TBC1D9: variants seen among roughly 807,000 people sequenced by gnomAD.
TBC1D9 encodes TBC1 domain family member 9A.
TBC1D9 carries 63 observed loss-of-function variants against 132.0 expected under a neutral mutation model. The ratio of observed to expected loss-of-function variants is 0.48; its 90% CI spans 0.39 to 0.59. TBC1D9 has a LOEUF of 0.59. TBC1D9 is among the 20% of genes least tolerant of loss of function. TBC1D9 has a pLI of 0.00. For missense variants in TBC1D9, 1,261 were observed against 1,592.7 expected, an observed-to-expected ratio of 0.79 and a Z score of 3.54; for synonymous variants, 610 against 609.9, an observed-to-expected ratio of 1.00 and a Z score of 0.00.
chr4:140,659,092 A>G (rs944188571), intron 11 of TBC1D9, among the ~76,000 whole-genome samples: 4 of 152,238 alleles, frequency 2.6e-5, no homozygotes, highest in Non-Finnish European at 5.9e-5. Flanking sequence ...AATTACAAGG[A>G]GTAACAGCAA....
At position 140,679,700 on chromosome 4, in the gene TBC1D9, A is replaced by G. The variant is rs1430617757; in HGVS notation, c.504T>C (p.Tyr168=). The change falls in exon 4 of 21, where the codon TAT becomes TAC. Residue 168 remains tyrosine (Y), a synonymous_variant. Coordinates refer to ENST00000442267, the MANE Select transcript of TBC1D9 (RefSeq NM_015130.3). The stretch of plus-strand genomic sequence containing the variant: ...CCTGACGGGGGACCTTCCCCTTCCA[A>G]TAGCTGCAAGAGTAATAGTTGACGA... ...EKLVNYYSCS[Y]WKGKVPRQGW... is the part of the protein sequence containing the mutation. 4 of 1,613,874 alleles carry G rather than the reference A, an allele frequency of 2.5e-6. No individual in the cohort carries two copies. Among genetic ancestry groups the G allele is most frequent in the South Asian group, 1.1e-5 (1 of 91,076 alleles).
At chr4:140,701,414 A>T (rs1738066904) in intron 2 of TBC1D9, 90 bp downstream of exon 2, 2 of 927,162 alleles carry the variant, frequency 2.2e-6, no homozygotes, top group Non-Finnish European at 3.4e-6. Context: ...GATTGCATTC[A>T]GCAAGTACAC....
At chr4:140,718,595 G>A (rs1437568089) in intron 1 of TBC1D9, among the ~76,000 whole-genome samples, 1 of 152,148 alleles carries the variant, frequency 6.6e-6, no homozygotes, top group Non-Finnish European at 1.5e-5. Flanking sequence ...TACCAACATG[G>A]CTATTTTCAA....
At chr4:140,626,852 CA>C (rs1473509027) in intron 18 of TBC1D9, among the ~76,000 whole-genome samples, 3 of 152,152 alleles carry the variant, frequency 2.0e-5, no homozygotes, top group Non-Finnish European at 4.4e-5. Context: ...CGAAAACAGC[CA>C]TAAGCAATAC....
chr4:140,710,158 A>G (rs1396960212), intron 1 of TBC1D9, among the ~76,000 whole-genome samples: 4 of 152,190 alleles, frequency 2.6e-5, no homozygotes, highest in Non-Finnish European at 4.4e-5. Context: ...AAACCAATAT[A>G]AAACTCAACA....
At chr4:140,644,782 A>G in intron 13 of TBC1D9, 1 of 400,400 alleles carries the variant, frequency 2.5e-6, no homozygotes. Flanking sequence ...GGCGGGGCAA[A>G]GGGGCAGCAC....
intron 1 of TBC1D9, among the ~76,000 whole-genome samples, chr4:140,725,274 A>G (rs142971344): frequency 1.0e-3 from 152 of 152,340 alleles, no homozygotes; most frequent in South Asian, 1.7e-3. Context: ...AGAAAGATAT[A>G]CCATTGTACG....
intron 1 of TBC1D9, among the ~76,000 whole-genome samples, chr4:140,739,595 A>C (rs904981867): frequency 1.7e-4 from 26 of 152,238 alleles, no homozygotes; most frequent in Admixed American, 3.9e-4. Context: ...TGCCTGAATC[A>C]CAGATTTTCG....
intron 6 of TBC1D9, among the ~76,000 whole-genome samples, chr4:140,672,203 T>C (rs1274643222): frequency 6.7e-6 from 1 of 150,016 alleles, no homozygotes; most frequent in African/African-American, 2.4e-5. Context: ...ATTAAATATA[T>C]GTGTTAATAT....
At chr4:140,644,710 T>G in intron 13 of TBC1D9, 2 of 415,832 alleles carry the variant, frequency 4.8e-6, no homozygotes, top group Non-Finnish European at 4.7e-6. Flanking sequence ...CAGGAAGTGC[T>G]GCAGCGAAAA....
chr4:140,644,196 A>G, intron 13 of TBC1D9: 1 of 338,084 alleles, frequency 3.0e-6, no homozygotes, highest in Non-Finnish European at 5.8e-6. Context: ...CCTGGGCGGC[A>G]TATCTGAGAA....
At chr4:140,675,900 T>G (rs1251295848) in intron 6 of TBC1D9, among the ~76,000 whole-genome samples, 1 of 152,184 alleles carries the variant, frequency 6.6e-6, no homozygotes, top group Non-Finnish European at 1.5e-5. Flanking sequence ...TATTTGATGC[T>G]TTGGCATCTT....
At chr4:140,717,403 T>C (rs1459035964) in intron 1 of TBC1D9, among the ~76,000 whole-genome samples, 1 of 152,262 alleles carries the variant, frequency 6.6e-6, no homozygotes, top group Non-Finnish European at 1.5e-5. Flanking sequence ...TCCTGTTCAA[T>C]AACTATGACA....
chr4:140,672,011 A>G (rs1171858431), intron 6 of TBC1D9, among the ~76,000 whole-genome samples: 1 of 152,100 alleles, frequency 6.6e-6, no homozygotes, highest in African/African-American at 2.4e-5. Flanking sequence ...TATTTCCTTC[A>G]AAGCACAACT....
At chr4:140,670,623 C>G (rs1737519851) in intron 7 of TBC1D9, 97 bp downstream of exon 7, 1 of 985,984 alleles carries the variant, frequency 1.0e-6, no homozygotes, top group Non-Finnish European at 1.6e-6. Flanking sequence ...GCGTCAGACG[C>G]AAAGCTTGAA....
intron 18 of TBC1D9, among the ~76,000 whole-genome samples, chr4:140,625,580 G>A (rs1736693170): frequency 6.6e-6 from 1 of 152,202 alleles, no homozygotes; most frequent in Non-Finnish European, 1.5e-5. Context: ...AGTGAGGAAA[G>A]TGTACTATGT....
At chr4:140,679,309 T>A (rs916513003) in intron 4 of TBC1D9, 106 bp from the exon 5 acceptor site, 3 of 1,189,490 alleles carry the variant, frequency 2.5e-6, no homozygotes, top group Non-Finnish European at 3.5e-6. Flanking sequence ...CTCCTTTGAG[T>A]TTATAATACC....
chr4:140,657,294 C>T, intron 12 of TBC1D9, 68 bp from the exon 13 acceptor site: 8 of 1,548,204 alleles, frequency 5.2e-6, no homozygotes, highest in Non-Finnish European at 7.0e-6. Context: ...ATTCTCCAAT[C>T]ATTTTCTGCA....
At chr4:140,721,203 G>A (rs1738418385) in intron 1 of TBC1D9, among the ~76,000 whole-genome samples, 1 of 152,092 alleles carries the variant, frequency 6.6e-6, no homozygotes, top group Admixed American at 6.6e-5. Flanking sequence ...GTTACAAAAA[G>A]GCAGAAGTGA....
Sources: allele counts gnomAD v4.1 joint callset (sites outside exome capture counted in the v4.1 genomes callset), GRCh38; gene constraint gnomAD v4.1.1; transcripts MANE v1.5; gene names NCBI Gene and HGNC (gene_info 2026-07-23, HGNC 2026-07-21).